PDZD2: variants seen among roughly 807,000 people sequenced by gnomAD.
The protein encoded by PDZD2 is PDZ domain containing 2, also known as PDZ domain-containing protein 2.
A neutral mutation model predicts 220.7 loss-of-function variants in PDZD2; 90 were observed. That is an observed-to-expected ratio of 0.41 (90% CI 0.34 to 0.49). The LOEUF is 0.49. Among genes scored for constraint, PDZD2 ranks in the 20% least tolerant of loss-of-function variants. The pLI, the probability that PDZD2 is intolerant of heterozygous loss-of-function variation, is 0.28. For missense variants in PDZD2, 3,174 were observed against 3,608.5 expected, an observed-to-expected ratio of 0.88 and a Z score of 3.08; for synonymous variants, 1,375 against 1,450.5, an observed-to-expected ratio of 0.95 and a Z score of 1.18.
intron 1 of PDZD2, among the ~76,000 whole-genome samples, chr5:31,683,412 A>G (rs911050885): frequency 7.2e-5 from 11 of 152,156 alleles, no homozygotes; most frequent in African/African-American, 2.4e-4. Context: ...CAAAAAGGTG[A>G]CCCATAATTT....
At chr5:31,795,150 A>G (rs1240299457) in intron 1 of PDZD2, among the ~76,000 whole-genome samples, 1 of 152,172 alleles carries the variant, frequency 6.6e-6, no homozygotes, top group African/African-American at 2.4e-5. Flanking sequence ...TGAGAAAATA[A>G]ATACTAAGGA....
intron 5 of PDZD2, among the ~76,000 whole-genome samples, chr5:32,006,721 G>C (rs1311262368): frequency 8.3e-6 from 1 of 119,992 alleles, no homozygotes; most frequent in African/African-American, 3.4e-5. Context: ...ACAGAGTCTC[G>C]CTCTGTCACC....
rs116442090 is a variant in PDZD2 at position 31,991,051 on chromosome 5, A to G, written c.979-4525A>G. 4.8e-3 allele frequency among the ~76,000 whole-genome samples: 732 copies of G among 152,330 alleles called. 8 individuals are homozygous for G. Among genetic ancestry groups the G allele is most frequent in the African/African-American group, 0.016 (683 of 41,578 alleles). On this transcript the variant is annotated intron_variant, in intron 3 of 24. Transcript: ENST00000438447. ...CAGGAATGACAGAGTGTTCCATGAG[A>G]AAGACACTGGGCACCAGGAGATGAT...
intron 2 of PDZD2, among the ~76,000 whole-genome samples, chr5:31,805,455 T>C (rs1434681667): frequency 2.0e-5 from 3 of 152,218 alleles, no homozygotes; most frequent in Admixed American, 6.5e-5. Context: ...CAGACCCCAG[T>C]GTACCCCTCT....
At chr5:31,826,998 G>C (rs1342753942) in intron 2 of PDZD2, among the ~76,000 whole-genome samples, 1 of 152,124 alleles carries the variant, frequency 6.6e-6, no homozygotes, top group Non-Finnish European at 1.5e-5. Context: ...TAGTGTGTCT[G>C]TCCCTATAGA....
intron 1 of PDZD2, among the ~76,000 whole-genome samples, chr5:31,664,055 G>A (rs1745884413): frequency 6.6e-6 from 1 of 152,192 alleles, no homozygotes; most frequent in Non-Finnish European, 1.5e-5. Context: ...ATATAGAGGG[G>A]TCTCTTACTG....
At chr5:31,840,697 T>A in intron 2 of PDZD2, 1 of 759,694 alleles carries the variant, frequency 1.3e-6, no homozygotes, top group Non-Finnish European at 2.4e-6. Flanking sequence ...ATGTGCTCAA[T>A]ATGCACATTA....
chr5:31,689,353 A>ATATATATTTTTTTTTTTT, intron 1 of PDZD2, among the ~76,000 whole-genome samples: 1 of 35,122 alleles, frequency 2.8e-5, no homozygotes, highest in Non-Finnish European at 4.2e-5. Context: ...ATATATATAT[A>ATATATATTTTTTTTTTTT]TTTTTTTTTT....
intron 2 of PDZD2, among the ~76,000 whole-genome samples, chr5:31,839,963 G>A (rs914421749): frequency 1.3e-5 from 2 of 152,158 alleles, no homozygotes; most frequent in East Asian, 1.9e-4. Context: ...CCCCAGCCAC[G>A]TGGAACTGTG....
At chr5:32,095,629 T>C (rs1743596417) in intron 21 of PDZD2, among the ~76,000 whole-genome samples, 1 of 151,394 alleles carries the variant, frequency 6.6e-6, no homozygotes, top group South Asian at 2.1e-4. Flanking sequence ...TTCTAGCATA[T>C]CTGTGTCCTT....
intron 2 of PDZD2, among the ~76,000 whole-genome samples, chr5:31,900,803 A>G (rs897118810): frequency 1.3e-5 from 2 of 152,074 alleles, no homozygotes; most frequent in Non-Finnish European, 2.9e-5. Context: ...TTATCTGTGT[A>G]ATAGACTTGC....
intron 2 of PDZD2, among the ~76,000 whole-genome samples, chr5:31,837,855 T>G (rs1002741261): frequency 6.6e-6 from 1 of 152,020 alleles, no homozygotes; most frequent in African/African-American, 2.4e-5. Flanking sequence ...CCACTGCCCT[T>G]TGGCCTGGGT....
At chr5:32,024,961 T>A (rs1329515571) in intron 6 of PDZD2, among the ~76,000 whole-genome samples, 2 of 152,228 alleles carry the variant, frequency 1.3e-5, no homozygotes, top group Non-Finnish European at 2.9e-5. Context: ...CCCCCAGGCA[T>A]GTTGGCTGAG....
chr5:31,919,621 C>G (rs1744016777), intron 2 of PDZD2, among the ~76,000 whole-genome samples: 1 of 149,492 alleles, frequency 6.7e-6, no homozygotes, highest in South Asian at 2.2e-4. Flanking sequence ...TGCTGGGATT[C>G]AGGTGTGAGC....
chr5:31,762,162 G>T (rs1751694504), intron 1 of PDZD2, among the ~76,000 whole-genome samples: 1 of 152,066 alleles, frequency 6.6e-6, no homozygotes, highest in Non-Finnish European at 1.5e-5. Flanking sequence ...CCAACACTGG[G>T]GATTATAATT....
intron 2 of PDZD2, among the ~76,000 whole-genome samples, chr5:31,839,395 A>G (rs1757136773): frequency 6.6e-6 from 1 of 152,110 alleles, no homozygotes; most frequent in Non-Finnish European, 1.5e-5. Flanking sequence ...TGGTAAAAGA[A>G]AAAAAAACAG....
intron 7 of PDZD2, among the ~76,000 whole-genome samples, chr5:32,046,833 AG>A (rs1161049675): frequency 1.3e-5 from 2 of 152,160 alleles, no homozygotes; most frequent in Non-Finnish European, 2.9e-5. Context: ...ACCTGAAGTT[AG>A]GAGTTCAAGA....
At chr5:31,870,978 G>A (rs1738740826) in intron 2 of PDZD2, among the ~76,000 whole-genome samples, 2 of 151,752 alleles carry the variant, frequency 1.3e-5, no homozygotes. Context: ...AACTCAAAAT[G>A]TAGCTGTAAT....
intron 2 of PDZD2, among the ~76,000 whole-genome samples, chr5:31,874,293 A>C (rs1380049261): frequency 6.6e-6 from 1 of 152,230 alleles, no homozygotes; most frequent in Middle Eastern, 3.2e-3. Context: ...TAGCCTGGCC[A>C]CATTGGCACA....
Sources: gnomAD v4.1 joint callset for allele counts (sites outside exome capture counted in the v4.1 genomes callset) on GRCh38, gnomAD v4.1.1 for gene constraint, MANE v1.5 for transcripts, NCBI Gene and HGNC (gene_info 2026-07-23, HGNC 2026-07-21) for gene names.